Variants in DCC observed in about 807,000 individuals in gnomAD.
DCC encodes the protein DCC netrin 1 receptor.
In DCC, 58 loss-of-function variants were observed where a neutral mutation model predicts 172.5. That is an observed-to-expected ratio of 0.34 (90% CI 0.27 to 0.42). The LOEUF (loss-of-function observed/expected upper bound fraction) is 0.42. Among genes scored for constraint, DCC ranks in the 10% least tolerant of loss-of-function variants. The pLI is 1.00. For synonymous variants in DCC, 709 were observed against 644.5 expected (o/e 1.10, Z -1.52); for missense variants, 1,740 against 1,791.0 (o/e 0.97, Z 0.51).
At chr18:52,465,029 G>A (rs1259529076) in intron 1 of DCC, among the ~76,000 whole-genome samples, 2 of 151,956 alleles carry the variant, frequency 1.3e-5, no homozygotes, top group Non-Finnish European at 2.9e-5. Flanking sequence ...TATTCTTTAG[G>A]GCTAGGTTGA....
At chr18:53,139,899 C>T (rs1396480410) in intron 7 of DCC, among the ~76,000 whole-genome samples, 1 of 152,172 alleles carries the variant, frequency 6.6e-6, no homozygotes, top group Non-Finnish European at 1.5e-5. Context: ...CATATTGAGT[C>T]AGTCACCAAG....
chr18:53,121,386 T>C (rs2043481610), intron 7 of DCC, among the ~76,000 whole-genome samples: 1 of 151,968 alleles, frequency 6.6e-6, no homozygotes, highest in Non-Finnish European at 1.5e-5. Context: ...AATGAAGTGA[T>C]TGGCCACTGC....
chr18:52,407,705 AT>A (rs1383089648), intron 1 of DCC, among the ~76,000 whole-genome samples: 2 of 152,078 alleles, frequency 1.3e-5, no homozygotes, highest in African/African-American at 4.8e-5. Context: ...AAATGAATGA[AT>A]GAATGGTTAG....
At chr18:53,098,211 T>TA (rs2043114680) in intron 7 of DCC, among the ~76,000 whole-genome samples, 1 of 152,018 alleles carries the variant, frequency 6.6e-6, no homozygotes, top group African/African-American at 2.4e-5. Flanking sequence ...GTTTTTTTTT[T>TA]AATTCTGAAA....
intron 5 of DCC, among the ~76,000 whole-genome samples, chr18:52,951,854 T>C (rs1053147511): frequency 2.0e-5 from 3 of 152,212 alleles, no homozygotes; most frequent in African/African-American, 4.8e-5. Context: ...TTACTAATAG[T>C]TGGATAGGCA....
rs770856556 is a variant in DCC at position 53,428,556 on chromosome 18, TTA to T, written c.3164-6578_3164-6577del. 4.4e-4 allele frequency among the ~76,000 whole-genome samples: 20 copies of T among 45,542 alleles called. 4 individuals carry two copies. The South Asian group carries it at 7.1e-3, about 16-fold the overall frequency. 29.9% of individuals were successfully genotyped at this position (45,542 alleles called of 152,430 possible). ...GTATTTTATATATATATAAATATATTTATATATATATTTATATATATAAAATA... is the reference window on the plus strand; with the variant it reads ...GTATTTTATATATATATAAATATATTTATATATATTTATATATATAAAATA... On this transcript the variant is annotated intron_variant, in intron 21 of 28. Coordinates refer to ENST00000442544, the MANE Select transcript of DCC (RefSeq NM_005215.4).
chr18:52,785,937 T>C (rs535244220), intron 2 of DCC, among the ~76,000 whole-genome samples: 8 of 152,090 alleles, frequency 5.3e-5, no homozygotes, highest in Non-Finnish European at 1.0e-4. Flanking sequence ...CATACTTCCT[T>C]TTTGGTGAAA....
chr18:52,462,970 G>A (rs1455911757), intron 1 of DCC, among the ~76,000 whole-genome samples: 1 of 152,166 alleles, frequency 6.6e-6, no homozygotes, highest in Non-Finnish European at 1.5e-5. Context: ...TCTGCTGCCT[G>A]ATAGTGGATC....
intron 1 of DCC, among the ~76,000 whole-genome samples, chr18:52,685,808 AG>A (rs1297566654): frequency 6.6e-6 from 1 of 152,072 alleles, no homozygotes; most frequent in Non-Finnish European, 1.5e-5. Context: ...AAATTAGAAA[AG>A]CTCCCTGTAT....
intron 15 of DCC, among the ~76,000 whole-genome samples, chr18:53,344,046 T>C (rs1179943687): frequency 6.6e-6 from 1 of 152,086 alleles, no homozygotes; most frequent in Non-Finnish European, 1.5e-5. Context: ...AGAGATTTAC[T>C]AATTTTGTTG....
At chr18:53,132,158 T>C (rs993216940) in intron 7 of DCC, among the ~76,000 whole-genome samples, 3 of 151,910 alleles carry the variant, frequency 2.0e-5, no homozygotes, top group Admixed American at 6.6e-5. Context: ...TTGAGGACCT[T>C]GGCAGATGGA....
At chr18:53,477,639 A>G (rs1223642131) in intron 25 of DCC, among the ~76,000 whole-genome samples, 1 of 152,222 alleles carries the variant, frequency 6.6e-6, no homozygotes, top group Non-Finnish European at 1.5e-5. Flanking sequence ...ATAAAATGTT[A>G]ACAGATAAAA....
At chr18:52,638,557 G>A (rs912476366) in intron 1 of DCC, among the ~76,000 whole-genome samples, 1 of 152,088 alleles carries the variant, frequency 6.6e-6, no homozygotes, top group Non-Finnish European at 1.5e-5. Flanking sequence ...AAACTTTAAA[G>A]CAACAGCAGT....
intron 7 of DCC, among the ~76,000 whole-genome samples, chr18:53,140,697 TG>T (rs755221256): frequency 2.0e-5 from 3 of 152,136 alleles, no homozygotes; most frequent in Non-Finnish European, 4.4e-5. Context: ...AATTGATTTT[TG>T]TATAAAGACT....
chr18:52,382,643 A>G (rs537423711), intron 1 of DCC, among the ~76,000 whole-genome samples: 3 of 152,254 alleles, frequency 2.0e-5, no homozygotes, highest in South Asian at 2.1e-4. Context: ...GACAGCCAAC[A>G]ATGACCAATT....
At chr18:53,195,317 C>T (rs1388716480) in intron 9 of DCC, among the ~76,000 whole-genome samples, 2 of 152,136 alleles carry the variant, frequency 1.3e-5, no homozygotes, top group African/African-American at 4.8e-5. Context: ...TGTACCTAAA[C>T]TGAATTTTCT....
chr18:52,627,667 G>T (rs918510253), intron 1 of DCC, among the ~76,000 whole-genome samples: 1 of 152,182 alleles, frequency 6.6e-6, no homozygotes, highest in Non-Finnish European at 1.5e-5. Flanking sequence ...CATTCCACTT[G>T]TTGCTTCTTG....
chr18:53,150,635 G>C (rs561948016), intron 7 of DCC, among the ~76,000 whole-genome samples: 1 of 152,348 alleles, frequency 6.6e-6, no homozygotes, highest in Non-Finnish European at 1.5e-5. Context: ...GCCTAAGCCA[G>C]GCTGGAGATC....
chr18:52,525,370 T>C (rs1349118750), intron 1 of DCC, among the ~76,000 whole-genome samples: 1 of 152,152 alleles, frequency 6.6e-6, no homozygotes, highest in Non-Finnish European at 1.5e-5. Context: ...CACCACAACT[T>C]CCCTACTCCT....
Sources: allele counts gnomAD v4.1 joint callset (sites outside exome capture counted in the v4.1 genomes callset), GRCh38; gene constraint gnomAD v4.1.1; transcripts MANE v1.5; gene names NCBI Gene and HGNC (gene_info 2026-07-23, HGNC 2026-07-21).